CEP89: variants seen among roughly 807,000 people sequenced by gnomAD.
The protein encoded by CEP89 is centrosomal protein of 89 kDa.
A neutral mutation model predicts 97.6 loss-of-function variants in CEP89; 95 were observed. The observed-to-expected ratio is 0.97, with a 90% CI of 0.82 to 1.15. The LOEUF (loss-of-function observed/expected upper bound fraction) is 1.15. CEP89 is among the 50% of genes most tolerant of loss of function. The pLI, the probability that CEP89 is intolerant of heterozygous loss-of-function variation, is 0.00. For missense variants in CEP89, 869 were observed against 947.7 expected, an observed-to-expected ratio of 0.92 and a Z score of 1.09; for synonymous variants, 354 against 349.1, an observed-to-expected ratio of 1.01 and a Z score of -0.16.
intron 3 of CEP89, among the ~76,000 whole-genome samples, chr19:32,959,683 C>T (rs867375021): frequency 1.3e-5 from 2 of 152,154 alleles, no homozygotes; most frequent in African/African-American, 4.8e-5. Context: ...AAATCCAGAT[C>T]GCAGAGCAAT....
intron 7 of CEP89, among the ~76,000 whole-genome samples, chr19:32,935,003 T>C (rs1043540774): frequency 2.0e-5 from 3 of 152,172 alleles, no homozygotes; most frequent in African/African-American, 7.2e-5. Flanking sequence ...TTGAAGCAGC[T>C]GATGAGCTGT....
At chr19:32,905,243 C>T (rs951833069) in intron 14 of CEP89, among the ~76,000 whole-genome samples, 1 of 152,140 alleles carries the variant, frequency 6.6e-6, no homozygotes, top group Non-Finnish European at 1.5e-5. Flanking sequence ...TTTAATAGAA[C>T]TTTAGAATGT....
chr19:32,958,018 C>G (rs1209039871), intron 3 of CEP89, among the ~76,000 whole-genome samples: 1 of 140,634 alleles, frequency 7.1e-6, no homozygotes, highest in Non-Finnish European at 1.6e-5. Flanking sequence ...AAAAATCCCC[C>G]CCCCGCCAAA....
intron 13 of CEP89, 53 bp from the exon 14 acceptor site, chr19:32,915,570 A>G: frequency 2.7e-6 from 4 of 1,465,072 alleles, no homozygotes; most frequent in Non-Finnish European, 3.8e-6. Flanking sequence ...CTCACAAAAC[A>G]CAATTATGGG....
At chr19:32,954,940 C>CGT (rs1334868198) in intron 3 of CEP89, among the ~76,000 whole-genome samples, 1 of 151,662 alleles carries the variant, frequency 6.6e-6, no homozygotes, top group East Asian at 1.9e-4. Flanking sequence ...GCTGGGATTA[C>CGT]AGGCCTGAGC....
Position 32,959,783 on chromosome 19 carries a change from A to G in CEP89, c.305+117T>C, listed in dbSNP as rs543192937. The G allele has an allele frequency of 3.3e-5, 37 of 1,105,204 alleles. No individual in the cohort carries two copies. The African/African-American group carries it at 5.5e-4, about 16-fold the overall frequency. The allele number at this position is 1,105,204 out of a possible 1,614,324, so 68.5% of individuals were successfully genotyped here. A position where few individuals can be genotyped will look rare whatever the true frequency, so the allele number is the denominator to read the frequency against. ...TAAATACATGCATGAGCACCCACGC[A>G]CCCACACAGGTACACATGCACACAC... On this transcript the variant is annotated intron_variant, in intron 3 of 18. Transcript: ENST00000305768.
intron 16 of CEP89, among the ~76,000 whole-genome samples, chr19:32,899,112 C>T (rs1446352715): frequency 6.9e-6 from 1 of 145,678 alleles, no homozygotes; most frequent in Non-Finnish European, 1.5e-5. Flanking sequence ...AATGGTATCT[C>T]AAGACTGGTT....
chr19:32,952,095 G>A (rs1970932041), intron 4 of CEP89, among the ~76,000 whole-genome samples: 1 of 152,284 alleles, frequency 6.6e-6, no homozygotes, highest in East Asian at 1.9e-4. Flanking sequence ...CTAATTCTAT[G>A]TGTGAAAGTC....
intron 16 of CEP89, among the ~76,000 whole-genome samples, chr19:32,891,354 A>ACACACAC (rs1568545946): frequency 2.8e-4 from 42 of 151,084 alleles, no homozygotes; most frequent in East Asian, 2.3e-3. Context: ...CACACACACA[A>ACACACAC]ACACACACAC....
rs1033675259 is a variant in CEP89 at position 32,922,213 on chromosome 19, C to T, written c.1268+1226G>A. Among the ~76,000 whole-genome samples, 6 of 152,040 alleles carry T rather than the reference C, an allele frequency of 3.9e-5. No individual in the cohort carries two copies. The East Asian group carries it at 9.7e-4, about 25-fold the overall frequency. On this transcript the variant is annotated intron_variant, in intron 12 of 18. Transcript: ENST00000305768. ...TAGGCAGGCGCAGTGTGGCAGGTAC[C>T]GGGACAGGGCATGTGTTTAAGGCTA... is the stretch of plus-strand genomic sequence containing the variant.
At chr19:32,908,245 A>AG (rs1876578486) in intron 14 of CEP89, among the ~76,000 whole-genome samples, 1 of 152,392 alleles carries the variant, frequency 6.6e-6, no homozygotes, top group East Asian at 1.9e-4. Context: ...TGGTGAAGGC[A>AG]GGGGGAGAAA....
intron 13 of CEP89, 30 bp downstream of exon 13, chr19:32,918,194 C>T: frequency 1.3e-6 from 2 of 1,504,600 alleles, no homozygotes; most frequent in Non-Finnish European, 1.9e-6. Flanking sequence ...GACATCAATG[C>T]ATGACCAGTC....
chr19:32,899,827 T>A, intron 16 of CEP89, 30 bp downstream of exon 16: 1 of 1,588,428 alleles, frequency 6.3e-7, no homozygotes, highest in Non-Finnish European at 8.6e-7. Flanking sequence ...TAACTCGCAG[T>A]TTACTTGATG....
chr19:32,969,896 C>G (rs1188049471), intron 1 of CEP89: 1 of 152,304 alleles, frequency 6.6e-6, no homozygotes, highest in Admixed American at 6.5e-5. Context: ...AGGCCTGGGT[C>G]TGCAGCAGCG....
chr19:32,941,917 G>GA (rs1223873661), intron 5 of CEP89, among the ~76,000 whole-genome samples: 1 of 152,084 alleles, frequency 6.6e-6, no homozygotes, highest in African/African-American at 2.4e-5. Flanking sequence ...GATACAATAA[G>GA]AAAAAATATA....
intron 5 of CEP89, among the ~76,000 whole-genome samples, chr19:32,944,612 G>A (rs1970757894): frequency 6.6e-6 from 1 of 152,162 alleles, no homozygotes. Context: ...GAGAAGGCCT[G>A]GAGAGGTGTA....
At chr19:32,969,422 C>T (rs1019968464) in intron 1 of CEP89, 1 of 152,268 alleles carries the variant, frequency 6.6e-6, no homozygotes, top group African/African-American at 2.4e-5. Flanking sequence ...CAGGCCCTCC[C>T]TGGCCTGAGG....
At chr19:32,966,569 C>T (rs1159848979) in intron 1 of CEP89, 103 bp from the exon 2 acceptor site, 14 of 546,890 alleles carry the variant, frequency 2.6e-5, no homozygotes, top group Non-Finnish European at 4.2e-5. Flanking sequence ...CTGCACTGGC[C>T]ACCCATGGAT....
chr19:32,901,343 C>A lies in CEP89; in HGVS notation c.1635G>T (p.Leu545=). 4 of 1,614,196 alleles carry A rather than the reference C, an allele frequency of 2.5e-6. No homozygotes were observed. The highest frequency in any genetic ancestry group is 3.4e-6 in the Non-Finnish European group (4 of 1,180,032). The change falls in exon 15 of 19, where the codon CTG becomes CTT. Residue 545 remains leucine (L), a synonymous_variant. Coordinates refer to ENST00000305768, the MANE Select transcript of CEP89 (RefSeq NM_032816.5). ...ACAGCAGGCTCTTCTTCTGCGCTTG[C>A]AGGACTGTCAGCTTCTCCATCAACT... ...MEELMEKLTV[L]QAQKKSLLLE... is the part of the protein sequence containing the mutation.
Sources: allele counts gnomAD v4.1 joint callset (sites outside exome capture counted in the v4.1 genomes callset), GRCh38; gene constraint gnomAD v4.1.1; transcripts MANE v1.5; gene names NCBI Gene and HGNC (gene_info 2026-07-23, HGNC 2026-07-21).